The following FGFR1 variants were observed in gnomAD, a reference collection of about 807,000 sequenced individuals.
FGFR1 encodes fibroblast growth factor receptor 1.
FGFR1 carries 18 observed loss-of-function variants against 93.7 expected under a neutral mutation model. The observed-to-expected ratio is 0.19, with a 90% CI of 0.13 to 0.28. The LOEUF (loss-of-function observed/expected upper bound fraction) is 0.28, where lower values mean the gene tolerates loss of function less well. Ranked by LOEUF, FGFR1 falls within the 10% of genes least tolerant of loss-of-function variation. The probability of loss-of-function intolerance (pLI) is 1.00; values close to 1 mark genes in which losing one functional copy is unlikely to be tolerated. For synonymous variants in FGFR1, 448 were observed against 429.3 expected (o/e 1.04, Z -0.54); for missense variants, 731 against 1,080.4 (o/e 0.68, Z 4.53).
rs117545574 is a variant in FGFR1 at position 38,447,826 on chromosome 8, T to C, written c.91+9530A>G. The stretch of plus-strand genomic sequence containing the variant: ...AAAAGACATTTACTGGTATAATCTT[T>C]TGGGGGATATTTGGTATAGTGATGT... On this transcript the variant is annotated intron_variant, in intron 2 of 17. Transcript: ENST00000447712. Among the ~76,000 whole-genome samples, 1,188 of 152,322 alleles carry C rather than the reference T, an allele frequency of 7.8e-3. 6 individuals carry two copies. The highest frequency in any genetic ancestry group is 0.014 in the Non-Finnish European group (940 of 68,036).
intron 1 of FGFR1, among the ~76,000 whole-genome samples, chr8:38,463,571 T>C (rs917237998): frequency 2.6e-5 from 4 of 151,950 alleles, no homozygotes; most frequent in Admixed American, 6.5e-5. Context: ...ACACAGGAGA[T>C]GCCAACATGT....
At chr8:38,446,059 T>A (rs1237651552) in intron 2 of FGFR1, among the ~76,000 whole-genome samples, 1 of 152,184 alleles carries the variant, frequency 6.6e-6, no homozygotes, top group Admixed American at 6.5e-5. Context: ...AAGGCAGTGA[T>A]AATTGACTGA....
chr8:38,422,144 C>T (rs531819597), intron 7 of FGFR1: 136 of 615,030 alleles, frequency 2.2e-4, no homozygotes, highest in Middle Eastern at 7.0e-4. Flanking sequence ...GGAAGAACTC[C>T]GGCAGACCTG....
rs923543925 is a variant in FGFR1, at chr8:38,426,801, G to C, written c.622-556C>G. On this transcript the variant is annotated intron_variant, in intron 5 of 17. Coordinates refer to ENST00000447712, the MANE Select transcript of FGFR1 (RefSeq NM_023110.3). This position sits in a 1 kb window ranked among gnomAD's most constrained non-coding sequence, Gnocchi z 4.1. ...AAGCATGGTGTCTTGCATGTAGTGAGTGCATGGTGAATTAATTTAAAATAT... is the reference window on the plus strand; with the variant it reads ...AAGCATGGTGTCTTGCATGTAGTGACTGCATGGTGAATTAATTTAAAATAT... Among the ~76,000 whole-genome samples the C allele has an allele frequency of 1.3e-5, 2 of 152,194 alleles. No homozygotes were observed. Among genetic ancestry groups the C allele is most frequent in the Non-Finnish European group, 2.9e-5 (2 of 68,038 alleles).
chr8:38,441,644 G>C (rs548700773), intron 2 of FGFR1, among the ~76,000 whole-genome samples: 5 of 152,198 alleles, frequency 3.3e-5, no homozygotes, highest in Non-Finnish European at 5.9e-5. Flanking sequence ...TCCAAGAAGA[G>C]CAAAGGTAGA....
At position 38,419,653 on chromosome 8, in the gene FGFR1, G is replaced by A. The variant is rs2150711015; in HGVS notation, c.1164C>T (p.Ser388=). 1 of 1,614,168 alleles carries A rather than the reference G, an allele frequency of 6.2e-7. No individual in the cohort carries two copies. The highest frequency in any genetic ancestry group is 1.1e-5 in the South Asian group (1 of 91,074). ...AGACGATGACCGACCCCACCATGCA[G>A]GAGATGAGGAAGGCCCCTGTGCAAT... ...IIYCTGAFLI[S]CMVGSVIVYK... is the part of the protein sequence containing the mutation. Residue 388 remains serine (S), a synonymous_variant, in exon 9 of 18, where the codon TCC becomes TCT. Coordinates refer to ENST00000447712, the MANE Select transcript of FGFR1 (RefSeq NM_023110.3).
chr8:38,464,247 G>A (rs990213851), intron 1 of FGFR1, among the ~76,000 whole-genome samples: 16 of 151,178 alleles, frequency 1.1e-4, no homozygotes, highest in South Asian at 4.2e-4. Context: ...ACCGGAAGGC[G>A]GAGGTTGCAG....
At chr8:38,435,400 T>G (rs978891360) in intron 2 of FGFR1, 1 of 151,876 alleles carries the variant, frequency 6.6e-6, no homozygotes, top group East Asian at 1.9e-4. Flanking sequence ...CGGCTAGGAG[T>G]GCTCTTGGTG....
At chr8:38,460,649 T>G (rs13254512) in intron 1 of FGFR1, among the ~76,000 whole-genome samples, 1 of 151,838 alleles carries the variant, frequency 6.6e-6, no homozygotes, top group Non-Finnish European at 1.5e-5. Context: ...CTCCTACCCC[T>G]CTGGCCCTCA....
At chr8:38,436,113 G>A (rs929833747) in intron 2 of FGFR1, among the ~76,000 whole-genome samples, 1 of 152,186 alleles carries the variant, frequency 6.6e-6, no homozygotes, top group African/African-American at 2.4e-5. Context: ...AGTGGCTCAT[G>A]CCTGTAATCC....
At chr8:38,442,231 C>T (rs953809258) in intron 2 of FGFR1, among the ~76,000 whole-genome samples, 1 of 151,976 alleles carries the variant, frequency 6.6e-6, no homozygotes, top group Non-Finnish European at 1.5e-5. Flanking sequence ...CAGGTTGGAC[C>T]GGGGCAGGGG....
At position 38,426,808 on chromosome 8, in the gene FGFR1, G is replaced by A. The variant is rs1820923356; in HGVS notation, c.622-563C>T. 6.6e-6 allele frequency among the ~76,000 whole-genome samples: 1 copy of A among 152,166 alleles called. No individual in the cohort carries two copies. The highest frequency in any genetic ancestry group is 2.1e-4 in the South Asian group (1 of 4,834). On this transcript the variant is annotated intron_variant, in intron 5 of 17. Coordinates refer to ENST00000447712, the MANE Select transcript of FGFR1 (RefSeq NM_023110.3). This position sits in a 1 kb window ranked among gnomAD's most constrained non-coding sequence, Gnocchi z 4.1. ...GTGTCTTGCATGTAGTGAGTGCATG[G>A]TGAATTAATTTAAAATATTTCTGGC...
chr8:38,432,360 G>A (rs1299752550), intron 2 of FGFR1, among the ~76,000 whole-genome samples: 1 of 151,826 alleles, frequency 6.6e-6, no homozygotes, highest in African/African-American at 2.4e-5. Context: ...TTCCAAACGT[G>A]GCTCAGGTAT....
chr8:38,425,835 T>G, intron 6 of FGFR1: 1 of 466,704 alleles, frequency 2.1e-6, no homozygotes, highest in East Asian at 4.2e-5. Flanking sequence ...TTACGCTACA[T>G]TTAACACCTC....
At chr8:38,455,513 G>C (rs977306850) in intron 2 of FGFR1, among the ~76,000 whole-genome samples, 1 of 151,958 alleles carries the variant, frequency 6.6e-6, no homozygotes, top group Non-Finnish European at 1.5e-5. Flanking sequence ...GGATGGTCTC[G>C]AACTCCTGAC....
chr8:38,454,328 T>C (rs571128216), intron 2 of FGFR1, among the ~76,000 whole-genome samples: 1 of 152,304 alleles, frequency 6.6e-6, no homozygotes, highest in South Asian at 2.1e-4. Context: ...GAAAGTACTT[T>C]AGGCTCCATT....
intron 16 of FGFR1, 51 bp from the exon 17 acceptor site, chr8:38,414,074 T>C: frequency 6.2e-7 from 1 of 1,613,794 alleles, no homozygotes; most frequent in Non-Finnish European, 8.5e-7. Flanking sequence ...GGATACTCTC[T>C]AGTCTAGCCC....
At chr8:38,446,205 C>CTTTT (rs773129271) in intron 2 of FGFR1, among the ~76,000 whole-genome samples, 1 of 127,772 alleles carries the variant, frequency 7.8e-6, no homozygotes, top group Non-Finnish European at 1.6e-5. Flanking sequence ...CCTCTCCCAC[C>CTTTT]TTTTTTTTTT....
rs767613285 is a variant in FGFR1 at position 38,414,157 on chromosome 8, G to A, written c.2181C>T (p.Asn727=). Residue 727 remains asparagine (N), a synonymous_variant, in exon 16 of 18, where the codon AAC becomes AAT. Transcript: ENST00000447712. ...CGACATCTCCTCGGGCTTACAGCTCGTTGGTGCAGTTACTGGGCTTGTCCA... is the reference window on the plus strand; with the variant it reads ...CGACATCTCCTCGGGCTTACAGCTCATTGGTGCAGTTACTGGGCTTGTCCA... The part of the protein sequence containing the change: ...HRMDKPSNCT[N]ELYMMMRDCW... The A allele has an allele frequency of 1.2e-5, 20 of 1,614,086 alleles. No individual in the cohort carries two copies. The highest frequency in any genetic ancestry group is 4.4e-5 in the South Asian group (4 of 91,090).
Sources: allele counts gnomAD v4.1 joint callset (sites outside exome capture counted in the v4.1 genomes callset), GRCh38; gene constraint gnomAD v4.1.1; non-coding constraint Gnocchi (gnomAD v3.1); transcripts MANE v1.5; gene names NCBI Gene and HGNC (gene_info 2026-07-23, HGNC 2026-07-21).